Variants in GPC5 observed in about 807,000 individuals in gnomAD.
GPC5 encodes the protein glypican 5.
GPC5 carries 47 observed loss-of-function variants against 53.9 expected under a neutral mutation model. The observed-to-expected ratio is 0.87, with a 90% CI of 0.69 to 1.11. GPC5 has a LOEUF of 1.11. Among genes scored for constraint, GPC5 ranks in the 50% most tolerant of loss-of-function variants. The pLI is 0.00. For missense variants in GPC5, 748 were observed against 713.1 expected (o/e 1.05, Z -0.56); for synonymous variants, 286 against 263.3 (o/e 1.09, Z -0.84).
chr13:91,801,916 A>G (rs530623998), intron 5 of GPC5, among the ~76,000 whole-genome samples: 17 of 152,214 alleles, frequency 1.1e-4, no homozygotes, highest in African/African-American at 3.6e-4. Flanking sequence ...TCATCATACC[A>G]CATTCCTAAA....
Position 91,403,673 on chromosome 13 carries a change from T to G in GPC5, c.163+4464T>G, listed in dbSNP as rs145324480. Among the ~76,000 whole-genome samples, 800 of 152,336 alleles carry G rather than the reference T, an allele frequency of 5.3e-3. 12 individuals are homozygous for G. The highest frequency in any genetic ancestry group is 0.019 in the African/African-American group (778 of 41,570). On this transcript the variant is annotated intron_variant, in intron 1 of 7. Transcript: ENST00000377067. ...GTGAGCATCAAGGCCCAGTTCCACT[T>G]CCAGGACAGTTTGTCACCTTTTCCC...
intron 5 of GPC5, among the ~76,000 whole-genome samples, chr13:91,792,117 A>T (rs464167): frequency 0.27 from 40,652 of 152,060 alleles, 5,925 homozygotes; most frequent in African/African-American, 0.35. Context: ...TCCTGGCTTT[A>T]TTGAATTGCT....
chr13:91,441,237 A>G (rs1211226708), intron 1 of GPC5, among the ~76,000 whole-genome samples: 1 of 152,210 alleles, frequency 6.6e-6, no homozygotes, highest in Admixed American at 6.5e-5. Context: ...ACTGCAAGTC[A>G]GACCCTTTTT....
At chr13:92,803,992 G>A (rs896046194) in intron 7 of GPC5, among the ~76,000 whole-genome samples, 1 of 151,920 alleles carries the variant, frequency 6.6e-6, no homozygotes, top group African/African-American at 2.4e-5. Flanking sequence ...ATTAAGTTAT[G>A]GTGTAGATGA....
intron 7 of GPC5, among the ~76,000 whole-genome samples, chr13:92,362,176 G>C (rs1182331358): frequency 2.2e-5 from 3 of 138,504 alleles, no homozygotes. Context: ...ATAACTTCAA[G>C]TTGTTGTTTC....
intron 5 of GPC5, among the ~76,000 whole-genome samples, chr13:91,898,890 T>C (rs1405568795): frequency 6.6e-6 from 1 of 152,038 alleles, no homozygotes; most frequent in Admixed American, 6.6e-5. Context: ...CAACAAAAAA[T>C]AAGAAATAGA....
intron 7 of GPC5, among the ~76,000 whole-genome samples, chr13:92,555,152 A>G (rs1186060642): frequency 6.6e-6 from 1 of 151,478 alleles, no homozygotes; most frequent in Non-Finnish European, 1.5e-5. Context: ...TGTAAATTGT[A>G]TCCCAGTAAA....
chr13:92,708,590 C>G (rs1315286161), intron 7 of GPC5, among the ~76,000 whole-genome samples: 1 of 151,946 alleles, frequency 6.6e-6, no homozygotes, highest in Non-Finnish European at 1.5e-5. Flanking sequence ...TCTAATTTAT[C>G]AGTAATGCTA....
At chr13:92,570,924 C>T (rs2139040689) in intron 7 of GPC5, among the ~76,000 whole-genome samples, 1 of 152,226 alleles carries the variant, frequency 6.6e-6, no homozygotes, top group East Asian at 1.9e-4. Context: ...GTGCAATAAA[C>T]AAATTGCCAA....
At chr13:91,976,858 G>T (rs1043613514) in intron 6 of GPC5, among the ~76,000 whole-genome samples, 12 of 151,990 alleles carry the variant, frequency 7.9e-5, no homozygotes, top group African/African-American at 2.9e-4. Context: ...TGGCCAACAT[G>T]GTGAAACCCC....
intron 7 of GPC5, among the ~76,000 whole-genome samples, chr13:92,337,368 C>T (rs1008512864): frequency 3.3e-5 from 5 of 152,086 alleles, no homozygotes; most frequent in African/African-American, 4.8e-5. Flanking sequence ...GTTAGTTCTT[C>T]ACAACTGGAT....
At chr13:92,348,716 G>T (rs769565131) in intron 7 of GPC5, among the ~76,000 whole-genome samples, 12 of 152,078 alleles carry the variant, frequency 7.9e-5, no homozygotes, top group Non-Finnish European at 1.8e-4. Context: ...TGAAATTATA[G>T]CAAGAATCTT....
chr13:91,692,843 C>A (rs895351642), intron 2 of GPC5, among the ~76,000 whole-genome samples: 1 of 152,156 alleles, frequency 6.6e-6, no homozygotes, highest in Non-Finnish European at 1.5e-5. Context: ...GGGGTTTCCC[C>A]ATGTTGGTCT....
chr13:91,629,719 CA>C (rs1423001591), intron 2 of GPC5, among the ~76,000 whole-genome samples: 2 of 151,954 alleles, frequency 1.3e-5, no homozygotes, highest in African/African-American at 4.8e-5. Flanking sequence ...GACATTCCTA[CA>C]AAGTTGTAAA....
At chr13:92,053,654 A>G (rs1292955615) in intron 6 of GPC5, among the ~76,000 whole-genome samples, 3 of 152,148 alleles carry the variant, frequency 2.0e-5, no homozygotes, top group Non-Finnish European at 4.4e-5. Context: ...ATATGTACAA[A>G]ATACATTGCT....
chr13:91,567,320 G>GAT (rs1167247515), intron 2 of GPC5, among the ~76,000 whole-genome samples: 2 of 152,052 alleles, frequency 1.3e-5, no homozygotes, highest in Non-Finnish European at 2.9e-5. Context: ...TTTAAAAGCA[G>GAT]ATATTCTTAT....
intron 1 of GPC5, among the ~76,000 whole-genome samples, chr13:91,436,842 A>G (rs1057309389): frequency 2.0e-5 from 3 of 152,144 alleles, no homozygotes; most frequent in Non-Finnish European, 4.4e-5. Context: ...CTAGGTCTCT[A>G]AGTACTTGCT....
At chr13:92,512,902 TA>T (rs1880626150) in intron 7 of GPC5, among the ~76,000 whole-genome samples, 1 of 152,204 alleles carries the variant, frequency 6.6e-6, no homozygotes, top group Non-Finnish European at 1.5e-5. Context: ...TTCCTGTCAT[TA>T]AAGTCTTCAG....
chr13:92,415,644 T>A (rs1876252670), intron 7 of GPC5, among the ~76,000 whole-genome samples: 1 of 149,030 alleles, frequency 6.7e-6, no homozygotes. Flanking sequence ...TAGATATGAG[T>A]CTGATGCTGA....
Sources: gnomAD v4.1 joint callset for allele counts (sites outside exome capture counted in the v4.1 genomes callset) on GRCh38, gnomAD v4.1.1 for gene constraint, MANE v1.5 for transcripts, NCBI Gene and HGNC (gene_info 2026-07-23, HGNC 2026-07-21) for gene names.